The following SLC25A48 variants were observed in gnomAD, a reference collection of about 807,000 sequenced individuals.
The protein encoded by SLC25A48 is solute carrier family 25 member 48, also known as CTC-321K16.1.
In SLC25A48, 29 loss-of-function variants were observed where a neutral mutation model predicts 32.2. The observed-to-expected ratio is 0.90, with a 90% CI of 0.67 to 1.23. The LOEUF (loss-of-function observed/expected upper bound fraction) is 1.23. Ranked by LOEUF, SLC25A48 falls within the 50% of genes most tolerant of loss-of-function variation. The pLI, the probability that SLC25A48 is intolerant of heterozygous loss-of-function variation, is 0.00. For synonymous variants in SLC25A48, 164 were observed against 172.3 expected (o/e 0.95, Z 0.38); for missense variants, 399 against 422.7 (o/e 0.94, Z 0.49).
rs74623554 is a variant in SLC25A48, at chr5:135,759,788, G to A, written c.-520-52735G>A. Among the ~76,000 whole-genome samples, 6 of 152,008 alleles carry A rather than the reference G, an allele frequency of 3.9e-5. No homozygotes were observed. In the South Asian group the frequency reaches 1.3e-3, roughly 32 times the overall value. On this transcript the variant is annotated intron_variant, in intron 3 of 10. Transcript: ENST00000646290. ...TGTGAGAACTTCAGAAGAAGCTGCGGGATTGAAGAGCGTGTGTATTTTTTA... is the reference window on the plus strand; with the variant it reads ...TGTGAGAACTTCAGAAGAAGCTGCGAGATTGAAGAGCGTGTGTATTTTTTA...
intron 3 of SLC25A48, among the ~76,000 whole-genome samples, chr5:135,673,659 G>T (rs1406198402): frequency 6.6e-6 from 1 of 151,914 alleles, no homozygotes; most frequent in Non-Finnish European, 1.5e-5. Context: ...TGAGTCTGTG[G>T]CATGCCTTTA....
At chr5:135,657,861 C>G (rs572776435) in intron 3 of SLC25A48, among the ~76,000 whole-genome samples, 2 of 152,256 alleles carry the variant, frequency 1.3e-5, no homozygotes, top group East Asian at 3.9e-4. Context: ...TACAAAAACT[C>G]GTAATTTAGA....
chr5:135,728,881 CACAT>C lies in SLC25A48; in HGVS notation c.-520-83638_-520-83635del, dbSNP rs1304391602. On this transcript the variant is annotated intron_variant, in intron 3 of 10. Transcript: ENST00000646290. ...ACACACACACACACACACACACACA[CACAT>C]ACACACACACCCCAAGGCTTGGATA... 4.5e-3 allele frequency among the ~76,000 whole-genome samples: 518 copies of C among 115,596 alleles called. 5 individuals carry two copies. The highest frequency in any genetic ancestry group is 0.014 in the African/African-American group (470 of 34,712). 75.8% of individuals were successfully genotyped at this position (115,596 alleles called of 152,430 possible). A position where few individuals can be genotyped will look rare whatever the true frequency, so the allele number is the denominator to read the frequency against.
Position 135,834,712 on chromosome 5 carries a change from G to A in SLC25A48, c.-136G>A, listed in dbSNP as rs1442699286. Reference sequence around the variant, plus strand: ...CCGCGCAGCCGGTGACTGGGGGACTGGGTTTGGAGTAGGACCTGCGGCGTG... The same window carrying A: ...CCGCGCAGCCGGTGACTGGGGGACTAGGTTTGGAGTAGGACCTGCGGCGTG... On this transcript the variant is annotated 5_prime_UTR_variant, in exon 1 of 8. Coordinates refer to ENST00000681962, the MANE Select transcript of SLC25A48 (RefSeq NM_001349336.2). 2.1e-6 allele frequency: 2 copies of A among 946,180 alleles called. No homozygotes were observed. Among genetic ancestry groups the A allele is most frequent in the East Asian group, 2.8e-5 (1 of 35,964 alleles). The allele number at this position is 946,180 out of a possible 1,614,324, so 58.6% of individuals were successfully genotyped here. A position where few individuals can be genotyped will look rare whatever the true frequency, so the allele number is the denominator to read the frequency against.
intron 5 of SLC25A48, 114 bp from the exon 6 acceptor site, chr5:135,873,907 C>A: frequency 8.2e-7 from 1 of 1,213,812 alleles, no homozygotes; most frequent in Non-Finnish European, 1.1e-6. Context: ...TAAGCCTGAG[C>A]TCTGTCCCTT....
intron 6 of SLC25A48, chr5:135,875,725 T>C (rs1056169328): frequency 6.6e-6 from 1 of 152,294 alleles, no homozygotes; most frequent in Non-Finnish European, 1.5e-5. Context: ...TCAGCTAATG[T>C]TGGCAGTGAG....
In SLC25A48 at chr5:135,775,697, C is replaced by A. The variant is rs143802074; in HGVS notation, c.-520-36826C>A. Among the ~76,000 whole-genome samples, 136 of 151,722 alleles carry A rather than the reference C, an allele frequency of 9.0e-4. 1 individual carries two copies. The East Asian group carries it at 0.023, about 25-fold the overall frequency. On this transcript the variant is annotated intron_variant, in intron 3 of 10. Coordinates refer to the SLC25A48 transcript ENST00000646290. ...TCCCAACATCGCAGAGGGTATACAA[C>A]CCTTTGTGATATTGTTCTTAATATC...
At chr5:135,592,759 G>A (rs774812710) in intron 1 of SLC25A48, among the ~76,000 whole-genome samples, 7 of 152,228 alleles carry the variant, frequency 4.6e-5, no homozygotes, top group Non-Finnish European at 8.8e-5. Context: ...TAAAGTGAGG[G>A]CGCTGGGAAC....
intron 3 of SLC25A48, among the ~76,000 whole-genome samples, chr5:135,733,562 T>C (rs1755283245): frequency 6.6e-6 from 1 of 152,012 alleles, no homozygotes. Context: ...TTGAGCATAG[T>C]TTGTGATTTT....
At chr5:135,884,055 C>A (rs921939062) in intron 7 of SLC25A48, among the ~76,000 whole-genome samples, 1 of 152,164 alleles carries the variant, frequency 6.6e-6, no homozygotes, top group African/African-American at 2.4e-5. Flanking sequence ...ACCAGCCGTG[C>A]AGAACTGTCA....
intron 1 of SLC25A48, among the ~76,000 whole-genome samples, chr5:135,615,985 C>T (rs1752176653): frequency 6.6e-6 from 1 of 152,230 alleles, no homozygotes; most frequent in African/African-American, 2.4e-5. Context: ...TCAGAAGGTG[C>T]AAACCATAAG....
At chr5:135,847,885 G>A (rs1561529471) in intron 2 of SLC25A48, among the ~76,000 whole-genome samples, 2 of 152,198 alleles carry the variant, frequency 1.3e-5, no homozygotes, top group East Asian at 3.8e-4. Flanking sequence ...AAGCCATGAA[G>A]TTTGGGGTAA....
chr5:135,666,952 G>A (rs1307253877), intron 3 of SLC25A48, among the ~76,000 whole-genome samples: 5 of 152,160 alleles, frequency 3.3e-5, no homozygotes, highest in Non-Finnish European at 7.3e-5. Flanking sequence ...CAGAATATTG[G>A]TCCAATGAGG....
At chr5:135,827,858 C>T (rs1338908596) in intron 4 of SLC25A48, among the ~76,000 whole-genome samples, 4 of 151,898 alleles carry the variant, frequency 2.6e-5, no homozygotes, top group Admixed American at 6.6e-5. Flanking sequence ...GGGGCCTCAT[C>T]GAGGAGCTGG....
chr5:135,882,798 G>T (rs1253124272), intron 7 of SLC25A48, among the ~76,000 whole-genome samples: 3 of 152,142 alleles, frequency 2.0e-5, no homozygotes, highest in African/African-American at 7.2e-5. Context: ...TCTGCCCTCG[G>T]TCCTGACATG....
At chr5:135,639,715 A>G (rs749200322) in intron 3 of SLC25A48, among the ~76,000 whole-genome samples, 3 of 152,204 alleles carry the variant, frequency 2.0e-5, no homozygotes, top group Non-Finnish European at 4.4e-5. Context: ...TCATACCCTG[A>G]GACTAAGGAA....
chr5:135,709,647 A>G (rs1754606646), intron 3 of SLC25A48, among the ~76,000 whole-genome samples: 1 of 152,188 alleles, frequency 6.6e-6, no homozygotes, highest in Admixed American at 6.5e-5. Context: ...GGGTTATTGG[A>G]GTTTGAAATC....
At chr5:135,603,068 C>T (rs991999672) in intron 1 of SLC25A48, among the ~76,000 whole-genome samples, 3 of 152,202 alleles carry the variant, frequency 2.0e-5, no homozygotes, top group African/African-American at 7.2e-5. Flanking sequence ...ACGTCGGTTC[C>T]TTTGGTGGGG....
chr5:135,654,341 C>T (rs1381989886), intron 3 of SLC25A48, among the ~76,000 whole-genome samples: 1 of 152,160 alleles, frequency 6.6e-6, no homozygotes, highest in Admixed American at 6.5e-5. Flanking sequence ...TTCCAATATT[C>T]TATAAGGCCA....
Sources: allele counts gnomAD v4.1 joint callset (sites outside exome capture counted in the v4.1 genomes callset), GRCh38; gene constraint gnomAD v4.1.1; transcripts MANE v1.5; gene names NCBI Gene and HGNC (gene_info 2026-07-23, HGNC 2026-07-21).